NBAS: variants seen among roughly 807,000 people sequenced by gnomAD.
The protein encoded by NBAS is NAG/BC035112 fusion.
A neutral mutation model predicts 302.5 loss-of-function variants in NBAS; 219 were observed. That is an observed-to-expected ratio of 0.72 (90% CI 0.65 to 0.81). NBAS has a LOEUF of 0.81. Ranked by LOEUF, NBAS falls within the 30% of genes least tolerant of loss-of-function variation. The probability of loss-of-function intolerance (pLI) is 0.00; values close to 1 mark genes in which losing one functional copy is unlikely to be tolerated. For missense variants in NBAS, 2,932 were observed against 2,841.6 expected, an observed-to-expected ratio of 1.03 and a Z score of -0.72; for synonymous variants, 1,118 against 1,021.6, an observed-to-expected ratio of 1.09 and a Z score of -1.80.
chr2:14,963,786 T>G, the NBAS span, among the ~76,000 whole-genome samples: 1 of 152,242 alleles, frequency 6.6e-6, no homozygotes, highest in Admixed American at 6.5e-5. Context: ...CTTCACCACA[T>G]GTGCTTTCCC....
the NBAS span, among the ~76,000 whole-genome samples, chr2:15,026,588 C>T: frequency 6.6e-6 from 1 of 151,944 alleles, no homozygotes; most frequent in Non-Finnish European, 1.5e-5. Context: ...GTTGAACCAA[C>T]CTTGCATCCC....
chr2:14,795,474 C>CATATATATATATATATATATATATAT, the NBAS span, among the ~76,000 whole-genome samples: 22 of 147,748 alleles, frequency 1.5e-4, no homozygotes, highest in African/African-American at 5.8e-4. Context: ...CAAGATTTTA[C>CATATATATATATATATATATATATAT]ATATATATAT....
At chr2:15,358,777 G>A (rs139923448) in intron 32 of NBAS, among the ~76,000 whole-genome samples, 10 of 152,138 alleles carry the variant, frequency 6.6e-5, no homozygotes, top group East Asian at 1.9e-4. Context: ...GGAGCCAACC[G>A]GCCTGTGATC....
intron 28 of NBAS, 125 bp downstream of exon 28, chr2:15,394,102 C>T: frequency 9.3e-7 from 1 of 1,072,120 alleles, no homozygotes; most frequent in Non-Finnish European, 1.3e-6. Flanking sequence ...TCAAATTATA[C>T]TTACACTTTA....
At chr2:15,468,001 T>G (rs933570596) in intron 17 of NBAS, among the ~76,000 whole-genome samples, 197 bp from the exon 18 acceptor site, 1 of 152,166 alleles carries the variant, frequency 6.6e-6, no homozygotes, top group African/African-American at 2.4e-5. Flanking sequence ...TCAGTAATTA[T>G]TACAAATAGA....
chr2:14,998,469 G>GACAAA, the NBAS span, among the ~76,000 whole-genome samples: 1 of 152,174 alleles, frequency 6.6e-6, no homozygotes, highest in Non-Finnish European at 1.5e-5. Context: ...TGTCCTCAGG[G>GACAAA]TGTCCTTGGG....
At chr2:15,475,052 G>A (rs1010214381) in intron 14 of NBAS, among the ~76,000 whole-genome samples, 2 of 152,164 alleles carry the variant, frequency 1.3e-5, no homozygotes, top group Non-Finnish European at 2.9e-5. Context: ...TAAGTTCTGA[G>A]TCTGAAAGTC....
rs192532293 is a variant in NBAS at position 15,340,809 on chromosome 2, A to G, written c.4180-10044T>C. ...AACAAGACGACCGAGATGTCCCTGAAACAAGTATGTCAAATGTTACTTATA... is the reference window on the plus strand; with the variant it reads ...AACAAGACGACCGAGATGTCCCTGAGACAAGTATGTCAAATGTTACTTATA... On this transcript the variant is annotated intron_variant, in intron 35 of 51. Coordinates refer to ENST00000281513, the MANE Select transcript of NBAS (RefSeq NM_015909.4). Among the ~76,000 whole-genome samples, 11 of 152,282 alleles carry G rather than the reference A, an allele frequency of 7.2e-5. No homozygotes were observed. The East Asian group carries it at 2.1e-3, about 29-fold the overall frequency.
rs531409815 is a variant in NBAS at position 15,228,537 on chromosome 2, C to T, written c.6236+3885G>A. ...AGTATGTTGAAGAAACTTCTGCACA[C>T]CCATGTTTATTGCAGTACTATTCAT... On this transcript the variant is annotated intron_variant, in intron 47 of 51. Transcript: ENST00000281513. Among the ~76,000 whole-genome samples the T allele has an allele frequency of 3.3e-5, 5 of 152,306 alleles. No individual in the cohort carries two copies. In the South Asian group the frequency reaches 1.0e-3, roughly 32 times the overall value.
At position 15,336,587 on chromosome 2, in the gene NBAS, G is replaced by A. The variant is rs556891677; in HGVS notation, c.4180-5822C>T. ...CTCTACTAAAAACACAAAATTAGCCGGGTGTGGTGGCACACACCACTAATC... is the reference window on the plus strand; with the variant it reads ...CTCTACTAAAAACACAAAATTAGCCAGGTGTGGTGGCACACACCACTAATC... On this transcript the variant is annotated intron_variant, in intron 35 of 51. Coordinates refer to ENST00000281513, the MANE Select transcript of NBAS (RefSeq NM_015909.4). 5.3e-5 allele frequency among the ~76,000 whole-genome samples: 8 copies of A among 152,154 alleles called. 1 individual carries two copies. Among genetic ancestry groups the A allele is most frequent in the Middle Eastern group, 6.8e-3 (2 of 294 alleles).
At chr2:14,801,553 G>T in the NBAS span, among the ~76,000 whole-genome samples, 1 of 151,012 alleles carries the variant, frequency 6.6e-6, no homozygotes, top group Non-Finnish European at 1.5e-5. Context: ...CTTTCCTTTG[G>T]CTCCTTGAAT....
In NBAS at chr2:15,417,827, T is replaced by C. The variant is rs540485226; in HGVS notation, c.2578-115A>G. Reference sequence around the variant, plus strand: ...TATAATCATTTTTTATAAAATTGCATTACCAGTAACATACGTTTTTTATTT... The same window carrying C: ...TATAATCATTTTTTATAAAATTGCACTACCAGTAACATACGTTTTTTATTT... On this transcript the variant is annotated intron_variant, in intron 23 of 51. Coordinates refer to ENST00000281513, the MANE Select transcript of NBAS (RefSeq NM_015909.4). 198 of 1,030,986 alleles carry C rather than the reference T, an allele frequency of 1.9e-4. No individual in the cohort carries two copies. The African/African-American group carries it at 2.8e-3, about 15-fold the overall frequency. 63.9% of individuals were successfully genotyped at this position (1,030,986 alleles called of 1,614,324 possible).
the NBAS span, among the ~76,000 whole-genome samples, chr2:15,120,837 G>A: frequency 3.3e-5 from 5 of 152,214 alleles, no homozygotes; most frequent in African/African-American, 4.8e-5. Flanking sequence ...TACCACACGC[G>A]TGGGGTTGCT....
At chr2:15,194,186 C>A (rs1234719197) in intron 48 of NBAS, among the ~76,000 whole-genome samples, 1 of 152,036 alleles carries the variant, frequency 6.6e-6, no homozygotes, top group Non-Finnish European at 1.5e-5. Flanking sequence ...GTAGAAGACA[C>A]AAACCCACAC....
chr2:15,297,461 TC>T (rs1161688260), intron 40 of NBAS, among the ~76,000 whole-genome samples: 2 of 152,070 alleles, frequency 1.3e-5, no homozygotes, highest in Non-Finnish European at 2.9e-5. Flanking sequence ...GGGGCAGACT[TC>T]CCCCCTTGCT....
At chr2:15,511,410 A>G in intron 9 of NBAS, 60 bp from the exon 10 acceptor site, 1 of 1,488,524 alleles carries the variant, frequency 6.7e-7, no homozygotes, top group Non-Finnish European at 9.4e-7. Flanking sequence ...GAGCAAAACA[A>G]AGAGAGCAGA....
the NBAS span, among the ~76,000 whole-genome samples, chr2:15,059,740 G>A: frequency 6.6e-6 from 1 of 152,194 alleles, no homozygotes; most frequent in Non-Finnish European, 1.5e-5. Context: ...AGAAATCAGA[G>A]ATACTGGGAC....
the NBAS span, among the ~76,000 whole-genome samples, chr2:14,952,312 T>C: frequency 3.3e-5 from 5 of 152,218 alleles, no homozygotes; most frequent in African/African-American, 1.2e-4. Flanking sequence ...GGCTTCCATC[T>C]TCCTCCTGTC....
At chr2:15,061,071 G>T in the NBAS span, among the ~76,000 whole-genome samples, 1 of 152,220 alleles carries the variant, frequency 6.6e-6, no homozygotes, top group Non-Finnish European at 1.5e-5. Context: ...TCTGAGAGAG[G>T]CTGGAAAGGA....
Sources: gnomAD v4.1 joint callset for allele counts (sites outside exome capture counted in the v4.1 genomes callset) on GRCh38, gnomAD v4.1.1 for gene constraint, MANE v1.5 for transcripts, NCBI Gene and HGNC (gene_info 2026-07-23, HGNC 2026-07-21) for gene names.